DMXL1: variants seen among roughly 807,000 people sequenced by gnomAD.
DMXL1 encodes the protein dmX-like protein 1.
A neutral mutation model predicts 319.2 loss-of-function variants in DMXL1; 99 were observed. The observed-to-expected ratio is 0.31, with a 90% CI of 0.26 to 0.37. The LOEUF is 0.37. Ranked by LOEUF, DMXL1 falls within the 10% of genes least tolerant of loss-of-function variation. The probability of loss-of-function intolerance (pLI) is 1.00; values close to 1 mark genes in which losing one functional copy is unlikely to be tolerated. For synonymous variants in DMXL1, 1,385 were observed against 1,235.2 expected, an observed-to-expected ratio of 1.12 and a Z score of -2.54; for missense variants, 3,745 against 3,595.6, an observed-to-expected ratio of 1.04 and a Z score of -1.06.
At position 119,149,222 on chromosome 5, in the gene DMXL1, T is replaced by G; in HGVS notation, c.3395T>G (p.Ile1132Ser). The part of the protein sequence containing the change: ...QDMYLSSKEN[I>S]TSNTKHLVHL... The stretch of plus-strand genomic sequence containing the variant: ...ATGTATTTATCTAGTAAAGAGAATA[T>G]CACATCAAACACAAAGCATTTAGTT... Residue 1132 changes from isoleucine to serine, a missense_variant, in exon 18 of 44, where the codon ATC (isoleucine) becomes AGC (serine). Around this residue, in one of 4 missense-constraint regions of DMXL1, gnomAD observed 2,096 missense variants for 1,985.4 expected, o/e 1.06. Coordinates refer to ENST00000539542, the MANE Select transcript of DMXL1 (RefSeq NM_001290321.3). 6.2e-7 allele frequency: 1 copy of G among 1,613,912 alleles called. No homozygotes were observed. Among genetic ancestry groups the G allele is most frequent in the South Asian group, 1.1e-5 (1 of 91,082 alleles).
At chr5:119,124,519 T>C (rs1228982858) in intron 9 of DMXL1, among the ~76,000 whole-genome samples, 1 of 151,494 alleles carries the variant, frequency 6.6e-6, no homozygotes, top group Non-Finnish European at 1.5e-5. Context: ...GTTGTTGATA[T>C]TAAGATACAT....
intron 34 of DMXL1, among the ~76,000 whole-genome samples, chr5:119,208,628 T>C (rs1377002943): frequency 6.6e-6 from 1 of 152,164 alleles, no homozygotes; most frequent in African/African-American, 2.4e-5. Flanking sequence ...ATACAGTCTT[T>C]TTGAGGGGAG....
chr5:119,077,292 A>T (rs1395249007), intron 1 of DMXL1, among the ~76,000 whole-genome samples: 1 of 150,282 alleles, frequency 6.7e-6, no homozygotes, highest in Non-Finnish European at 1.5e-5. Flanking sequence ...TTTTGACAGA[A>T]GCAGCTGGTG....
chr5:119,161,972 A>G (rs1176096940), intron 19 of DMXL1, among the ~76,000 whole-genome samples: 1 of 152,224 alleles, frequency 6.6e-6, no homozygotes, highest in Non-Finnish European at 1.5e-5. Context: ...TCTACGCAAC[A>G]CCAGATGATC....
chr5:119,104,936 A>T (rs1003139349), intron 3 of DMXL1, among the ~76,000 whole-genome samples: 1 of 152,242 alleles, frequency 6.6e-6, no homozygotes, highest in African/African-American at 2.4e-5. Flanking sequence ...TAAGACTGTT[A>T]TCCAAGGTAG....
intron 6 of DMXL1, among the ~76,000 whole-genome samples, chr5:119,115,781 T>G (rs1368516617): frequency 6.6e-6 from 1 of 152,192 alleles, no homozygotes; most frequent in Non-Finnish European, 1.5e-5. Context: ...AGTATCTCTT[T>G]TTTTCAATAA....
chr5:119,141,567 T>G (rs1767350192), intron 13 of DMXL1, among the ~76,000 whole-genome samples: 1 of 152,032 alleles, frequency 6.6e-6, no homozygotes, highest in South Asian at 2.1e-4. Context: ...ATCTCTACAA[T>G]GAGAATTACA....
intron 38 of DMXL1, among the ~76,000 whole-genome samples, chr5:119,230,439 G>A (rs993668169): frequency 1.1e-4 from 16 of 152,078 alleles, no homozygotes; most frequent in Admixed American, 2.0e-4. Flanking sequence ...AATTAATTTT[G>A]ACAATACCAT....
chr5:119,161,023 A>G (rs1238135239), intron 19 of DMXL1, among the ~76,000 whole-genome samples: 2 of 152,164 alleles, frequency 1.3e-5, no homozygotes, highest in African/African-American at 2.4e-5. Flanking sequence ...TCGAGATATA[A>G]TGATTCCCTG....
chr5:119,090,051 G>A (rs1175357534), intron 1 of DMXL1, among the ~76,000 whole-genome samples: 5 of 76,698 alleles, frequency 6.5e-5, no homozygotes, highest in South Asian at 4.4e-4. Context: ...AAGGACTTTC[G>A]CTCTTGTCGC....
Position 119,170,658 on chromosome 5 carries a change from GTGT to G in DMXL1, c.5871_5873del (p.Val1958del). 6.2e-7 allele frequency: 1 copy of G among 1,613,742 alleles called. No individual in the cohort carries two copies. The highest frequency in any genetic ancestry group is 8.5e-7 in the Non-Finnish European group (1 of 1,179,916). On this transcript the variant is annotated inframe_deletion, in exon 24 of 44. Coordinates refer to ENST00000539542, the MANE Select transcript of DMXL1 (RefSeq NM_001290321.3). ...CTTTCTTTTGACTGGAGCCAACCAA[GTGT>G]TGTGTTTCAGGATGACTCTTTAGAG...
intron 1 of DMXL1, among the ~76,000 whole-genome samples, chr5:119,080,591 T>C (rs1751984216): frequency 6.6e-6 from 1 of 152,210 alleles, no homozygotes; most frequent in Admixed American, 6.5e-5. Flanking sequence ...TGAGTAATTT[T>C]AATATATTTC....
chr5:119,083,177 A>G (rs562994901), intron 1 of DMXL1, among the ~76,000 whole-genome samples: 1 of 152,128 alleles, frequency 6.6e-6, no homozygotes, highest in African/African-American at 2.4e-5. Context: ...TGCCTGGCTA[A>G]TTTTGTATAT....
rs923265138 is a variant in DMXL1, at chr5:119,143,761, G to C, written c.2377-80G>C. 18 of 913,596 alleles carry C rather than the reference G, an allele frequency of 2.0e-5. No individual in the cohort carries two copies. In the Admixed American group the frequency reaches 4.6e-4, roughly 23 times the overall value. 56.6% of individuals were successfully genotyped at this position (913,596 alleles called of 1,614,324 possible). On this transcript the variant is annotated intron_variant, in intron 13 of 43. Coordinates refer to ENST00000539542, the MANE Select transcript of DMXL1 (RefSeq NM_001290321.3). ...ACTTGAATTTTATTGTTATTTATCTGTTATGCTTGAAATTTTGTTATTTAC... is the reference window on the plus strand; with the variant it reads ...ACTTGAATTTTATTGTTATTTATCTCTTATGCTTGAAATTTTGTTATTTAC...
At chr5:119,183,998 C>T (rs1561819928) in intron 28 of DMXL1, among the ~76,000 whole-genome samples, 1 of 151,820 alleles carries the variant, frequency 6.6e-6, no homozygotes. Context: ...AGAAACTAAC[C>T]CTATAAGAAA....
chr5:119,217,278 C>A (rs901933430), intron 35 of DMXL1, among the ~76,000 whole-genome samples: 1 of 151,950 alleles, frequency 6.6e-6, no homozygotes, highest in African/African-American at 2.4e-5. Flanking sequence ...AGTAGTTAAC[C>A]CACAGAAAAA....
At chr5:119,138,525 G>A (rs535772294) in intron 13 of DMXL1, among the ~76,000 whole-genome samples, 1 of 152,260 alleles carries the variant, frequency 6.6e-6, no homozygotes, top group South Asian at 2.1e-4. Flanking sequence ...GATTGCCAAG[G>A]GTGAGACTAT....
intron 38 of DMXL1, among the ~76,000 whole-genome samples, chr5:119,229,717 A>T (rs1333175091): frequency 6.6e-6 from 1 of 152,190 alleles, no homozygotes; most frequent in Non-Finnish European, 1.5e-5. Context: ...TTAATTACAT[A>T]TATTGATTAG....
In DMXL1 at chr5:119,132,801, T is replaced by G. The variant is rs1048806480; in HGVS notation, c.1316-331T>G. ...TTAATTTGAACTACTTGGTAGGTGT[T>G]ATGGTAACAAATGATACTTTTATTT... On this transcript the variant is annotated intron_variant, in intron 10 of 43. Transcript: ENST00000539542. 4.5e-5 allele frequency: 25 copies of G among 549,480 alleles called. No individual in the cohort carries two copies. The African/African-American group carries it at 4.6e-4, about 10-fold the overall frequency. 34.0% of individuals were successfully genotyped at this position (549,480 alleles called of 1,614,324 possible).
Sources: gnomAD v4.1 joint callset for allele counts (sites outside exome capture counted in the v4.1 genomes callset) on GRCh38, gnomAD v4.1.1 for gene constraint, gnomAD v4.1.1 regional missense constraint, MANE v1.5 for transcripts, NCBI Gene and HGNC (gene_info 2026-07-23, HGNC 2026-07-21) for gene names.